NSD2: variants seen among roughly 807,000 people sequenced by gnomAD.
NSD2 encodes the protein nuclear receptor binding SET domain protein 2.
NSD2 carries 12 observed loss-of-function variants against 139.0 expected under a neutral mutation model. The ratio of observed to expected loss-of-function variants is 0.09; its 90% CI spans 0.06 to 0.14. The LOEUF (loss-of-function observed/expected upper bound fraction) is 0.14, where lower values mean the gene tolerates loss of function less well. NSD2 is among the 10% of genes least tolerant of loss of function. The pLI, the probability that NSD2 is intolerant of heterozygous loss-of-function variation, is 1.00. For synonymous variants in NSD2, 669 were observed against 648.7 expected (o/e 1.03, Z -0.48); for missense variants, 1,155 against 1,745.0 (o/e 0.66, Z 6.02).
chr4:1,958,582 G>T lies in NSD2; in HGVS notation c.2985+546G>T, dbSNP rs768024193. On this transcript the variant is annotated intron_variant, in intron 16 of 21. Coordinates refer to ENST00000508803, the MANE Select transcript of NSD2 (RefSeq NM_001042424.3). This position sits in a 1 kb window ranked among gnomAD's most constrained non-coding sequence, Gnocchi z 4.6. ...GCGCTCAGAGCTGGTGCGGCAAGCC[G>T]CATCCCCAGGAGCCTCGTGGCCGTT... Among the ~76,000 whole-genome samples, 1 of 152,258 alleles carries T rather than the reference G, an allele frequency of 6.6e-6. No homozygotes were observed. The highest frequency in any genetic ancestry group is 1.5e-5 in the Non-Finnish European group (1 of 68,046).
At chr4:1,975,195 A>T (rs924755833) in intron 19 of NSD2, 99 bp from the exon 20 acceptor site, 3 of 1,424,936 alleles carry the variant, frequency 2.1e-6, no homozygotes, top group Non-Finnish European at 2.9e-6. Flanking sequence ...ACAGATACAA[A>T]AATAATAAGA....
chr4:1,963,299 C>T (rs759606146), intron 18 of NSD2, among the ~76,000 whole-genome samples: 15 of 152,228 alleles, frequency 9.9e-5, no homozygotes, highest in Admixed American at 2.6e-4. Flanking sequence ...CATGTGGGGA[C>T]CAGTGATAAG....
intron 7 of NSD2, 77 bp from the exon 8 acceptor site, chr4:1,938,368 GTTCTTT>G: frequency 1.0e-6 from 1 of 1,004,890 alleles, no homozygotes; most frequent in Non-Finnish European, 1.3e-6. Flanking sequence ...TCCTTTTGTT[GTTCTTT>G]TTCTTTTTTT....
At chr4:1,904,591 G>A (rs1419884302) in intron 3 of NSD2, among the ~76,000 whole-genome samples, 2 of 152,122 alleles carry the variant, frequency 1.3e-5, no homozygotes, top group African/African-American at 2.4e-5. Context: ...TTAGTGTTAA[G>A]GGACACATGA....
chr4:1,945,861 G>T (rs997427644), intron 9 of NSD2: 2 of 1,061,018 alleles, frequency 1.9e-6, no homozygotes, highest in Non-Finnish European at 2.3e-6. Flanking sequence ...AAATAAGGTC[G>T]TTATGACTTT....
intron 1 of NSD2, among the ~76,000 whole-genome samples, chr4:1,872,633 A>AGAGAGAGAGAGAGAGAGAGAGG (rs1203166315): frequency 7.6e-6 from 1 of 131,036 alleles, no homozygotes; most frequent in Admixed American, 7.8e-5. Context: ...AGAGAGAGAG[A>AGAGAGAGAGAGAGAGAGAGAGG]GAGCGCGCAG....
At position 1,974,662 on chromosome 4, in the gene NSD2, A is replaced by T; in HGVS notation, c.3373-201A>T. ...CGCTCACTAAGGCTCGGTCCTCTCC[A>T]CGTGGTCCTGACCTGTCCTCTGTGA... is the stretch of plus-strand genomic sequence containing the variant. On this transcript the variant is annotated intron_variant, in intron 18 of 21. Transcript: ENST00000508803. This position sits in a 1 kb window ranked among gnomAD's most constrained non-coding sequence, Gnocchi z 4.0. The T allele has an allele frequency of 1.3e-6, 1 of 798,344 alleles. No homozygotes were observed. The highest frequency in any genetic ancestry group is 1.3e-5 in the South Asian group (1 of 74,472). The allele number at this position is 798,344 out of a possible 1,614,324, so 49.5% of individuals were successfully genotyped here. A position where few individuals can be genotyped will look rare whatever the true frequency, so the allele number is the denominator to read the frequency against.
At chr4:1,943,054 A>G in intron 9 of NSD2, 1 of 1,050,474 alleles carries the variant, frequency 9.5e-7, no homozygotes, top group Non-Finnish European at 1.1e-6. Context: ...GGGATACTGT[A>G]ATCAGGTTAT....
chr4:1,975,204 G>T, intron 19 of NSD2, 90 bp from the exon 20 acceptor site: 1 of 1,418,294 alleles, frequency 7.1e-7, no homozygotes, highest in South Asian at 1.2e-5. Flanking sequence ...AAAATAATAA[G>T]AGTATTTTTG....
At chr4:1,904,411 T>C (rs752944788) in intron 3 of NSD2, 33 bp downstream of exon 3, 1 of 1,583,130 alleles carries the variant, frequency 6.3e-7, no homozygotes, top group Admixed American at 1.8e-5. Context: ...TTTCCAACTT[T>C]CTCTTCTGCA....
At chr4:1,933,475 C>T (rs1035836437) in intron 6 of NSD2, among the ~76,000 whole-genome samples, 20 of 152,210 alleles carry the variant, frequency 1.3e-4, no homozygotes, top group African/African-American at 3.9e-4. Flanking sequence ...CTGCAAGCTC[C>T]GCCTGGCGGG....
At chr4:1,896,021 C>G (rs1426671915) in intron 1 of NSD2, among the ~76,000 whole-genome samples, 1 of 152,248 alleles carries the variant, frequency 6.6e-6, no homozygotes, top group African/African-American at 2.4e-5. Flanking sequence ...TTGAAAGTAC[C>G]TGCAAGGTGG....
chr4:1,918,254 C>T lies in NSD2; in HGVS notation c.1041C>T (p.Leu347=). The T allele has an allele frequency of 6.2e-7, 1 of 1,613,854 alleles. No individual in the cohort carries two copies. The highest frequency in any genetic ancestry group is 1.1e-5 in the South Asian group (1 of 91,070). Residue 347 remains leucine (L), a synonymous_variant, in exon 5 of 22, where the codon CTC becomes CTT. Transcript: ENST00000508803. ...AGCGGAAAGCCAAGTTCACCTTTCTCTATGTGGGGGACCAGCTTCATCTCA... is the reference window on the plus strand; with the variant it reads ...AGCGGAAAGCCAAGTTCACCTTTCTTTATGTGGGGGACCAGCTTCATCTCA... The part of the protein sequence containing the change: ...VEERKAKFTF[L]YVGDQLHLNP...
Position 1,904,245 on chromosome 4 carries a change from C to T in NSD2, c.627C>T (p.Asn209=). The T allele has an allele frequency of 1.2e-6, 2 of 1,613,938 alleles. No individual in the cohort carries two copies. The highest frequency in any genetic ancestry group is 1.3e-5 in the African/African-American group (1 of 75,032). ...KIPAKKESCP[N]TGRDKDHLLK... ...CAGCTAAGAAAGAGTCTTGTCCAAA[C>T]ACTGGAAGAGACAAAGACCACCTGT... Residue 209 remains asparagine, a synonymous_variant, in exon 3 of 22, where the codon AAC becomes AAT. Transcript: ENST00000508803.
rs1020098203 is a variant in NSD2, at chr4:1,890,306, G to GT, written c.-29-10310dup. 2.0e-3 allele frequency among the ~76,000 whole-genome samples: 288 copies of GT among 146,910 alleles called. 1 individual carries two copies. Among genetic ancestry groups the GT allele is most frequent in the Admixed American group, 5.1e-3 (74 of 14,638 alleles). ...TTTTTTTTGTTTTGTTTTGTTTTTT[G>GT]TTTTTTTTTTGAGATGGCGTCTCGC... is the stretch of plus-strand genomic sequence containing the variant. On this transcript the variant is annotated intron_variant, in intron 1 of 21. Coordinates refer to ENST00000508803, the MANE Select transcript of NSD2 (RefSeq NM_001042424.3).
At chr4:1,920,219 G>A (rs1208298298) in intron 5 of NSD2, among the ~76,000 whole-genome samples, 1 of 152,182 alleles carries the variant, frequency 6.6e-6, no homozygotes, top group Non-Finnish European at 1.5e-5. Flanking sequence ...GGAGGCTAAG[G>A]TGGGCAGATC....
intron 2 of NSD2, among the ~76,000 whole-genome samples, chr4:1,903,896 G>A (rs1003172762): frequency 1.1e-4 from 16 of 151,992 alleles, no homozygotes; most frequent in Admixed American, 6.6e-5. Flanking sequence ...CACCACGCCC[G>A]GCTAATTTTT....
rs750698924 is a variant in NSD2 at position 1,981,497 on chromosome 4, G to A, written c.*2588G>A. On this transcript the variant is annotated 3_prime_UTR_variant, in exon 22 of 22. Transcript: ENST00000508803. ...AATCCCTCAGGATTCCTTGGCATCCGAAACCAGCATCTGCACCTAAACCCA... is the reference window on the plus strand; with the variant it reads ...AATCCCTCAGGATTCCTTGGCATCCAAAACCAGCATCTGCACCTAAACCCA... The A allele has an allele frequency of 7.8e-5, 20 of 255,982 alleles. No homozygotes were observed. Among genetic ancestry groups the A allele is most frequent in the South Asian group, 1.7e-4 (1 of 5,732 alleles). 15.9% of individuals were successfully genotyped at this position (255,982 alleles called of 1,614,324 possible). A position where few individuals can be genotyped will look rare whatever the true frequency, so the allele number is the denominator to read the frequency against.
At position 1,900,607 on chromosome 4, in the gene NSD2, C is replaced by CT. The variant is rs760096114; in HGVS notation, c.-29-11dup. 37 of 1,455,918 alleles carry CT rather than the reference C, an allele frequency of 2.5e-5. No homozygotes were observed. Among genetic ancestry groups the CT allele is most frequent in the Admixed American group, 5.1e-5 (2 of 39,272 alleles). 90.2% of individuals were successfully genotyped at this position (1,455,918 alleles called of 1,614,324 possible). Reference sequence around the variant, plus strand: ...TGTAATTGCTTTTTCTTTCTTTTTTCTTTTTTTTAATACCATAGTGTTCTA... The same window carrying CT: ...TGTAATTGCTTTTTCTTTCTTTTTTCTTTTTTTTTAATACCATAGTGTTCTA... On this transcript the variant is annotated intron_variant, in intron 1 of 21. Coordinates refer to ENST00000508803, the MANE Select transcript of NSD2 (RefSeq NM_001042424.3).
Sources: allele counts gnomAD v4.1 joint callset (sites outside exome capture counted in the v4.1 genomes callset), GRCh38; gene constraint gnomAD v4.1.1; non-coding constraint Gnocchi (gnomAD v3.1); transcripts MANE v1.5; gene names NCBI Gene and HGNC (gene_info 2026-07-23, HGNC 2026-07-21).